GIMD1: variants seen among roughly 807,000 people sequenced by gnomAD.
GIMD1 encodes GTPase IMAP family member GIMD1.
GIMD1 carries 14 observed loss-of-function variants against 14.9 expected under a neutral mutation model. The ratio of observed to expected loss-of-function variants is 0.94; its 90% CI spans 0.62 to 1.47. The LOEUF (loss-of-function observed/expected upper bound fraction) is 1.47, where lower values mean the gene tolerates loss of function less well. Ranked by LOEUF, GIMD1 falls within the 40% of genes most tolerant of loss-of-function variation. GIMD1 has a pLI of 0.00. For synonymous variants in GIMD1, 91 were observed against 90.5 expected (o/e 1.01, Z -0.03); for missense variants, 272 against 255.3 (o/e 1.07, Z -0.44).
At chr4:106,364,177 C>T (rs1579657589) in intron 2 of GIMD1, among the ~76,000 whole-genome samples, 1 of 152,182 alleles carries the variant, frequency 6.6e-6, no homozygotes, top group East Asian at 1.9e-4. Flanking sequence ...TCCATCGTCA[C>T]AGCCAGTAGA....
rs1022955401 is a variant in GIMD1 at position 106,368,466 on chromosome 4, G to T, written c.-3+244C>A. 2.6e-5 allele frequency among the ~76,000 whole-genome samples: 4 copies of T among 152,032 alleles called. No individual in the cohort carries two copies. In the South Asian group the frequency reaches 8.3e-4, roughly 31 times the overall value. On this transcript the variant is annotated intron_variant, in intron 1 of 2. Transcript: ENST00000638719. ...GTTTTAAGTACCGCAGGTCCTTCTT[G>T]TCCTTTAATGCCCCTCACTCCATTA...
intron 2 of GIMD1, among the ~76,000 whole-genome samples, chr4:106,360,630 T>C (rs1453937488): frequency 1.3e-5 from 2 of 152,062 alleles, no homozygotes; most frequent in Non-Finnish European, 2.9e-5. Context: ...TGATCTTATT[T>C]GGAAATAGGG....
intron 2 of GIMD1, among the ~76,000 whole-genome samples, chr4:106,361,168 T>C (rs1328123790): frequency 2.0e-5 from 3 of 152,058 alleles, no homozygotes. Context: ...GTCTACTTTG[T>C]TCTAGGCATG....
chr4:106,365,443 G>A (rs945104022), intron 2 of GIMD1, among the ~76,000 whole-genome samples: 5 of 150,914 alleles, frequency 3.3e-5, no homozygotes, highest in Admixed American at 3.3e-4. Context: ...AACAATGCGT[G>A]TATCTGTCAC....
intron 2 of GIMD1, among the ~76,000 whole-genome samples, chr4:106,365,353 T>C (rs1298245408): frequency 6.6e-6 from 1 of 152,012 alleles, no homozygotes; most frequent in Non-Finnish European, 1.5e-5. Flanking sequence ...GTCACCCTGA[T>C]TTTTCTGCTA....
intron 2 of GIMD1, among the ~76,000 whole-genome samples, chr4:106,362,667 A>C (rs1370404585): frequency 6.6e-6 from 1 of 152,124 alleles, no homozygotes; most frequent in African/African-American, 2.4e-5. Flanking sequence ...AAACAAACAA[A>C]AAGCCAACTA....
In GIMD1 at chr4:106,358,166, T is replaced by C; in HGVS notation, c.*17A>G. 6.9e-7 allele frequency: 1 copy of C among 1,447,680 alleles called. No individual in the cohort carries two copies. Among genetic ancestry groups the C allele is most frequent in the Non-Finnish European group, 9.1e-7 (1 of 1,100,216 alleles). The allele number at this position is 1,447,680 out of a possible 1,614,324, so 89.7% of individuals were successfully genotyped here. A position where few individuals can be genotyped will look rare whatever the true frequency, so the allele number is the denominator to read the frequency against. ...TCTGACTCCAATACCCAATGCTCCTTTCCTTTCACCTAAATTTTATTTAAA... is the reference window on the plus strand; with the variant it reads ...TCTGACTCCAATACCCAATGCTCCTCTCCTTTCACCTAAATTTTATTTAAA... On this transcript the variant is annotated 3_prime_UTR_variant, in exon 3 of 3. Coordinates refer to ENST00000638719, the MANE Select transcript of GIMD1 (RefSeq NM_001195138.2).
intron 1 of GIMD1, 144 bp downstream of exon 1, chr4:106,368,566 C>A: frequency 2.6e-6 from 1 of 391,718 alleles, no homozygotes; most frequent in East Asian, 3.6e-5. Context: ...GCGGGTCCCT[C>A]CAGTTCACAC....
At chr4:106,359,789 A>G (rs2125933553) in intron 2 of GIMD1, among the ~76,000 whole-genome samples, 1 of 151,954 alleles carries the variant, frequency 6.6e-6, no homozygotes, top group East Asian at 1.9e-4. Flanking sequence ...GTAAGGAAAG[A>G]AGGAATCTGG....
intron 1 of GIMD1, among the ~76,000 whole-genome samples, chr4:106,368,212 G>A (rs1251060166): frequency 2.0e-5 from 3 of 152,054 alleles, no homozygotes; most frequent in Non-Finnish European, 4.4e-5. Flanking sequence ...TAGAAGGGGG[G>A]AGAATCTTGG....
intron 2 of GIMD1, among the ~76,000 whole-genome samples, chr4:106,363,000 T>C (rs1274940830): frequency 6.6e-6 from 1 of 152,098 alleles, no homozygotes; most frequent in Non-Finnish European, 1.5e-5. Context: ...AAATTGGGGC[T>C]CTTCAATTTA....
intron 2 of GIMD1, among the ~76,000 whole-genome samples, chr4:106,360,092 A>G (rs913714876): frequency 6.6e-6 from 1 of 151,932 alleles, no homozygotes. Flanking sequence ...TTAGGGTTCT[A>G]TTTATTTCTT....
At chr4:106,362,489 G>T (rs1210331899) in intron 2 of GIMD1, among the ~76,000 whole-genome samples, 1 of 152,024 alleles carries the variant, frequency 6.6e-6, no homozygotes, top group African/African-American at 2.4e-5. Context: ...TGAATTGTTT[G>T]GTTTGAGTGC....
In GIMD1 at chr4:106,358,232, ATTCT is replaced by A; in HGVS notation, c.601_604del (p.Arg201SerfsTer5). ...ACAGTTCTCTTTTATAAATTCCATG[ATTCT>A]TTCTAAGATTTTCATTCTTTGTTCA... On this transcript the variant is annotated frameshift_variant, in exon 3 of 3. Transcript: ENST00000638719. LOFTEE classifies it high-confidence loss of function. The A allele has an allele frequency of 1.3e-6, 2 of 1,512,420 alleles. No homozygotes were observed. The highest frequency in any genetic ancestry group is 1.8e-6 in the Non-Finnish European group (2 of 1,133,512). The allele number at this position is 1,512,420 out of a possible 1,614,324, so 93.7% of individuals were successfully genotyped here.
At chr4:106,364,687 G>A (rs1770668652) in intron 2 of GIMD1, among the ~76,000 whole-genome samples, 1 of 152,170 alleles carries the variant, frequency 6.6e-6, no homozygotes, top group South Asian at 2.1e-4. Context: ...TTGGGAGACG[G>A]AAGTTATTTA....
intron 2 of GIMD1, 64 bp downstream of exon 2, chr4:106,366,979 A>G (rs1770711881): frequency 4.5e-6 from 2 of 442,818 alleles, no homozygotes; most frequent in Non-Finnish European, 7.3e-6. Context: ...TTATTATTAT[A>G]CTATTAGGAT....
intron 2 of GIMD1, among the ~76,000 whole-genome samples, chr4:106,358,654 C>G (rs888267348): frequency 6.6e-6 from 1 of 151,842 alleles, no homozygotes; most frequent in Non-Finnish European, 1.5e-5. Flanking sequence ...CAGGATTAAA[C>G]AGAGAATTAA....
At chr4:106,362,092 G>C (rs563446935) in intron 2 of GIMD1, among the ~76,000 whole-genome samples, 5 of 152,028 alleles carry the variant, frequency 3.3e-5, no homozygotes, top group Non-Finnish European at 7.4e-5. Flanking sequence ...TAATAGATTT[G>C]TAAGTGCCAT....
chr4:106,363,857 C>T (rs536448847), intron 2 of GIMD1, among the ~76,000 whole-genome samples: 51 of 129,992 alleles, frequency 3.9e-4, no homozygotes, highest in African/African-American at 1.4e-3. Flanking sequence ...CTTGCTTGTA[C>T]GCAGTAATAA....
Sources: gnomAD v4.1 joint callset for allele counts (sites outside exome capture counted in the v4.1 genomes callset) on GRCh38, gnomAD v4.1.1 for gene constraint, MANE v1.5 for transcripts, NCBI Gene and HGNC (gene_info 2026-07-23, HGNC 2026-07-21) for gene names.